Variants in HDAC9 observed in about 807,000 individuals in gnomAD.
HDAC9 encodes the protein MEF-2 interacting transcription repressor (MITR) protein.
A neutral mutation model predicts 139.4 loss-of-function variants in HDAC9; 41 were observed. The ratio of observed to expected loss-of-function variants is 0.29; its 90% confidence interval spans 0.23 to 0.38. The LOEUF is 0.38. HDAC9 is among the 10% of genes least tolerant of loss of function. The probability of loss-of-function intolerance (pLI) is 1.00; values close to 1 mark genes in which losing one functional copy is unlikely to be tolerated. For synonymous variants in HDAC9, 517 were observed against 476.2 expected (o/e 1.09, Z -1.12); for missense variants, 1,147 against 1,297.0 (o/e 0.88, Z 1.78).
At chr7:18,332,362 TGTGTG>T (rs1474967309) in intron 1 of HDAC9, among the ~76,000 whole-genome samples, 1 of 5,192 alleles carries the variant, frequency 1.9e-4, no homozygotes, top group Non-Finnish European at 3.0e-3. Flanking sequence ...CATGCGCACA[TGTGTG>T]TGTGTGTGTG....
At chr7:18,173,998 T>C (rs1788671089) in intron 2 of HDAC9, among the ~76,000 whole-genome samples, 1 of 152,208 alleles carries the variant, frequency 6.6e-6, no homozygotes, top group African/African-American at 2.4e-5. Flanking sequence ...TGGCCTGTCT[T>C]GTTAGTTTGG....
chr7:18,711,763 G>A (rs979799661), intron 12 of HDAC9, among the ~76,000 whole-genome samples: 2 of 152,152 alleles, frequency 1.3e-5, no homozygotes, highest in Non-Finnish European at 2.9e-5. Flanking sequence ...CAAAAGAACA[G>A]CACTTGTGCT....
At chr7:18,937,030 ATTTTTTTTT>A (rs768350029) in intron 23 of HDAC9, among the ~76,000 whole-genome samples, 26 of 96,704 alleles carry the variant, frequency 2.7e-4, no homozygotes, top group Non-Finnish European at 4.1e-4. Flanking sequence ...GCTCTTGTTA[ATTTTTTTTT>A]TTTTTTTTTT....
rs187306610 is a variant in HDAC9 at position 19,000,419 on chromosome 7, G to A, written c.*4357G>A. ...ACGCTTCATGAAGCAGAGCATGATT[G>A]TCAAGTGACCAGAGGATGACATTTG... On this transcript the variant is annotated 3_prime_UTR_variant, in exon 26 of 26. Coordinates refer to ENST00000686413, the MANE Select transcript of HDAC9 (RefSeq NM_178425.4). The A allele has an allele frequency of 6.6e-6, 1 of 152,308 alleles. No individual in the cohort carries two copies. The highest frequency in any genetic ancestry group is 1.5e-5 in the Non-Finnish European group (1 of 68,030). 9.4% of individuals were successfully genotyped at this position (152,308 alleles called of 1,614,324 possible).
chr7:18,966,015 T>C (rs9639320), intron 24 of HDAC9, among the ~76,000 whole-genome samples: 50,792 of 151,880 alleles, frequency 0.33, 9,230 homozygotes, highest in Non-Finnish European at 0.42. Context: ...TTCAGATTTT[T>C]CATTCTGAAT....
intron 22 of HDAC9, among the ~76,000 whole-genome samples, chr7:18,904,572 CTTTTTTT>C (rs71017010): frequency 1.4e-5 from 1 of 71,942 alleles, no homozygotes; most frequent in Non-Finnish European, 2.4e-5. Context: ...CTCCCCATTT[CTTTTTTT>C]TTTTTTTTTT....
chr7:18,533,190 C>T (rs1220280684), intron 2 of HDAC9, among the ~76,000 whole-genome samples: 1 of 152,124 alleles, frequency 6.6e-6, no homozygotes, highest in Non-Finnish European at 1.5e-5. Flanking sequence ...TTGCATGTTT[C>T]TACCATGTGC....
rs200911383 is a variant in HDAC9 at position 18,223,724 on chromosome 7, CAT to C, written c.25+61376_25+61377del. ...TTTATACTGTTTATTTATATATGCACATGTGTCTACATGTTTCCTATATACTC... is the reference window on the plus strand; with the variant it reads ...TTTATACTGTTTATTTATATATGCACGTGTCTACATGTTTCCTATATACTC... On this transcript the variant is annotated intron_variant, in intron 2 of 12. Coordinates refer to the HDAC9 transcript ENST00000417496. Among the ~76,000 whole-genome samples the C allele has an allele frequency of 7.1e-3, 1,073 of 152,142 alleles. 5 individuals carry two copies. The highest frequency in any genetic ancestry group is 0.012 in the Non-Finnish European group (793 of 67,988).
At chr7:18,775,193 T>G (rs1016983088) in intron 16 of HDAC9, among the ~76,000 whole-genome samples, 2 of 152,010 alleles carry the variant, frequency 1.3e-5, no homozygotes, top group Non-Finnish European at 2.9e-5. Flanking sequence ...CAAAGATGAC[T>G]GATCACAGAT....
chr7:18,400,972 C>T (rs1279128075), intron 1 of HDAC9, among the ~76,000 whole-genome samples: 1 of 152,198 alleles, frequency 6.6e-6, no homozygotes, highest in East Asian at 1.9e-4. Context: ...AAGCTAGTCT[C>T]AGATGCCTTA....
intron 1 of HDAC9, among the ~76,000 whole-genome samples, chr7:18,406,416 G>A (rs1562957732): frequency 8.6e-5 from 13 of 150,340 alleles, no homozygotes; most frequent in Admixed American, 7.9e-4. Flanking sequence ...CTTTTGAGAT[G>A]GAGTCTCGCT....
chr7:18,488,533 C>G (rs1361289988), intron 1 of HDAC9, among the ~76,000 whole-genome samples: 2 of 151,846 alleles, frequency 1.3e-5, no homozygotes, highest in Non-Finnish European at 2.9e-5. Context: ...GGGTCTGAAG[C>G]TGTAATATAT....
chr7:18,891,169 C>T (rs1800648544), intron 22 of HDAC9, among the ~76,000 whole-genome samples: 1 of 152,152 alleles, frequency 6.6e-6, no homozygotes, highest in Admixed American at 6.5e-5. Flanking sequence ...AAGATTTCTC[C>T]CCACAGCACT....
chr7:18,148,763 CCCTT>C (rs1425104406), intron 1 of HDAC9, among the ~76,000 whole-genome samples: 24 of 152,214 alleles, frequency 1.6e-4, no homozygotes, highest in Non-Finnish European at 2.2e-4. Flanking sequence ...TCTGGCCTCT[CCCTT>C]CCACTTTTTA....
chr7:18,405,154 C>T (rs1787894473), intron 1 of HDAC9, among the ~76,000 whole-genome samples: 1 of 152,154 alleles, frequency 6.6e-6, no homozygotes, highest in Non-Finnish European at 1.5e-5. Flanking sequence ...TTTTTTTCTT[C>T]ATCAAAGTTA....
At chr7:18,591,001 G>A (rs1583788462) in intron 4 of HDAC9, among the ~76,000 whole-genome samples, 1 of 152,154 alleles carries the variant, frequency 6.6e-6, no homozygotes, top group African/African-American at 2.4e-5. Context: ...TCAGGTCGTA[G>A]CAAAGTTTAA....
At chr7:18,134,700 T>C (rs1372520168) in intron 1 of HDAC9, among the ~76,000 whole-genome samples, 1 of 152,170 alleles carries the variant, frequency 6.6e-6, no homozygotes, top group East Asian at 1.9e-4. Context: ...ATGCCCGTTC[T>C]TACCCTCACC....
At chr7:18,585,157 G>A in intron 2 of HDAC9, 124 bp from the exon 3 acceptor site, 1 of 1,018,258 alleles carries the variant, frequency 9.8e-7, no homozygotes, top group South Asian at 1.6e-5. Context: ...AATGGCTAGA[G>A]TCATTGGCAT....
At chr7:18,283,053 T>C (rs552905259) in intron 2 of HDAC9, among the ~76,000 whole-genome samples, 5 of 151,946 alleles carry the variant, frequency 3.3e-5, no homozygotes, top group Admixed American at 6.6e-5. Flanking sequence ...ATAGTAATAA[T>C]ATAAGAAGAG....
Sources: gnomAD v4.1 joint callset for allele counts (sites outside exome capture counted in the v4.1 genomes callset) on GRCh38, gnomAD v4.1.1 for gene constraint, MANE v1.5 for transcripts, NCBI Gene and HGNC (gene_info 2026-07-23, HGNC 2026-07-21) for gene names.